Variants in ERAP1 observed in about 807,000 individuals in gnomAD.
ERAP1 encodes endoplasmic reticulum aminopeptidase 1.
A neutral mutation model predicts 103.7 loss-of-function variants in ERAP1; 86 were observed. The ratio of observed to expected loss-of-function variants is 0.83; its 90% CI spans 0.70 to 0.99. The LOEUF (loss-of-function observed/expected upper bound fraction) is 0.99, where lower values mean the gene tolerates loss of function less well. Ranked by LOEUF, ERAP1 falls within the 50% of genes least tolerant of loss-of-function variation. The pLI, the probability that ERAP1 is intolerant of heterozygous loss-of-function variation, is 0.00. For missense variants in ERAP1, 1,009 were observed against 1,128.4 expected, an observed-to-expected ratio of 0.89 and a Z score of 1.52; for synonymous variants, 398 against 402.4, an observed-to-expected ratio of 0.99 and a Z score of 0.13.
chr5:96,897,420 G>A, the ERAP1 span, among the ~76,000 whole-genome samples: 3 of 152,056 alleles, frequency 2.0e-5, no homozygotes, highest in Admixed American at 6.6e-5. Context: ...GCCCTCATTC[G>A]TTTGCCTGTC....
the ERAP1 span, among the ~76,000 whole-genome samples, chr5:96,899,205 T>C: frequency 2.0e-5 from 3 of 147,562 alleles, no homozygotes; most frequent in Admixed American, 6.9e-5. Flanking sequence ...ACCAAGTCAG[T>C]GAGAAAATCA....
chr5:96,906,785 A>T, the ERAP1 span, among the ~76,000 whole-genome samples: 2 of 152,370 alleles, frequency 1.3e-5, no homozygotes, highest in African/African-American at 4.8e-5. Flanking sequence ...TAATCCCAGT[A>T]CTTCGTGAGG....
At chr5:96,784,609 G>C (rs199993116) in intron 13 of ERAP1, among the ~76,000 whole-genome samples, 19 of 14,042 alleles carry the variant, frequency 1.4e-3, no homozygotes, top group African/African-American at 5.0e-3. Context: ...TAGGGCTAAC[G>C]TGGATAAGCC....
intron 19 of ERAP1, chr5:96,767,864 C>A: frequency 7.8e-7 from 1 of 1,285,892 alleles, no homozygotes; most frequent in Non-Finnish European, 1.1e-6. Context: ...TTGCATTTTG[C>A]CTTCTGCTTC....
chr5:96,920,784 C>T, the ERAP1 span, among the ~76,000 whole-genome samples: 1 of 152,164 alleles, frequency 6.6e-6, no homozygotes, highest in African/African-American at 2.4e-5. Flanking sequence ...TTCCTGGTAT[C>T]TTAATCTCAT....
the ERAP1 span, among the ~76,000 whole-genome samples, chr5:96,905,918 G>A: frequency 6.7e-6 from 1 of 150,356 alleles, no homozygotes; most frequent in African/African-American, 2.4e-5. Flanking sequence ...CATTTAGTTT[G>A]GAGAGATAAT....
the ERAP1 span, chr5:96,880,251 G>C: frequency 6.2e-7 from 1 of 1,607,994 alleles, no homozygotes; most frequent in Non-Finnish European, 8.5e-7. Context: ...ACTCTTGGTG[G>C]TGAAACAAGG....
the ERAP1 span, among the ~76,000 whole-genome samples, chr5:96,842,149 G>A: frequency 6.6e-6 from 1 of 152,004 alleles, no homozygotes; most frequent in Non-Finnish European, 1.5e-5. Flanking sequence ...AGTATTCCAT[G>A]GTATATGTAT....
At chr5:96,785,482 G>A (rs1029861844) in intron 13 of ERAP1, 3 of 391,592 alleles carry the variant, frequency 7.7e-6, no homozygotes, top group Non-Finnish European at 9.7e-6. Context: ...ACCATGCCGC[G>A]GGGACAAGGC....
Position 96,799,953 on chromosome 5 carries a change from G to A in ERAP1, c.663+909C>T, listed in dbSNP as rs561444964. On this transcript the variant is annotated intron_variant, in intron 3 of 18. Coordinates refer to ENST00000443439, the MANE Select transcript of ERAP1 (RefSeq NM_001040458.3). Reference sequence around the variant, plus strand: ...CAGGTAGGTATAGAGTTTTAAGGTTGAGAAGCACCACACTAGAGGTTGGTC... The same window carrying A: ...CAGGTAGGTATAGAGTTTTAAGGTTAAGAAGCACCACACTAGAGGTTGGTC... Among the ~76,000 whole-genome samples, 15 of 152,262 alleles carry A rather than the reference G, an allele frequency of 9.9e-5. No homozygotes were observed. In the South Asian group the frequency reaches 3.1e-3, roughly 32 times the overall value.
chr5:96,791,701 A>AATG (rs1776751390), intron 8 of ERAP1, among the ~76,000 whole-genome samples: 1 of 152,238 alleles, frequency 6.6e-6, no homozygotes, highest in African/African-American at 2.4e-5. Flanking sequence ...GCGTCTCAAC[A>AATG]ATATTAACCA....
At chr5:96,889,125 G>T in the ERAP1 span, 1 of 1,602,996 alleles carries the variant, frequency 6.2e-7, no homozygotes. Flanking sequence ...AGGGTTATCA[G>T]GAATGGAATT....
chr5:96,799,933 A>G (rs1777790128), intron 3 of ERAP1, among the ~76,000 whole-genome samples: 1 of 152,168 alleles, frequency 6.6e-6, no homozygotes, highest in Non-Finnish European at 1.5e-5. Context: ...GAAGGCAGGT[A>G]GGTATAGAGT....
intron 4 of ERAP1, 58 bp from the exon 5 acceptor site, chr5:96,795,220 T>C: frequency 1.9e-6 from 3 of 1,603,090 alleles, no homozygotes; most frequent in Non-Finnish European, 2.6e-6. Context: ...TCTCCCCACA[T>C]TGTGTAGAAG....
downstream of ERAP1, chr5:96,772,387 T>G (rs1772744820): frequency 6.6e-6 from 1 of 152,598 alleles, no homozygotes; most frequent in Non-Finnish European, 1.5e-5. Flanking sequence ...AAAGTATAGG[T>G]TAAATCGGGT....
the ERAP1 span, among the ~76,000 whole-genome samples, chr5:96,875,731 G>T: frequency 6.6e-6 from 1 of 152,250 alleles, no homozygotes; most frequent in South Asian, 2.1e-4. Context: ...TCAGGTTAGG[G>T]TTAGACATCC....
At chr5:96,895,382 C>A in the ERAP1 span, 1 of 1,409,654 alleles carries the variant, frequency 7.1e-7, no homozygotes, top group Non-Finnish European at 1.0e-6. Flanking sequence ...TTCTGTGTAT[C>A]ATACTATATG....
chr5:96,863,545 T>A, the ERAP1 span, among the ~76,000 whole-genome samples: 1 of 152,240 alleles, frequency 6.6e-6, no homozygotes, highest in South Asian at 2.1e-4. Flanking sequence ...CCGTGCCCGA[T>A]TTCTCTGGCT....
At position 96,776,007 on chromosome 5, in the gene ERAP1, C is replaced by G; in HGVS notation, c.*389G>C. The G allele has an allele frequency of 9.2e-7, 1 of 1,091,736 alleles. No homozygotes were observed. Among genetic ancestry groups the G allele is most frequent in the African/African-American group, 1.7e-5 (1 of 60,254 alleles). The allele number at this position is 1,091,736 out of a possible 1,614,324, so 67.6% of individuals were successfully genotyped here. A position where few individuals can be genotyped will look rare whatever the true frequency, so the allele number is the denominator to read the frequency against. On this transcript the variant is annotated 3_prime_UTR_variant, in exon 19 of 19. Coordinates refer to ENST00000443439, the MANE Select transcript of ERAP1 (RefSeq NM_001040458.3). ...CGGCTTAGTCTCAGATCCAGGTGTT[C>G]ATTGTTCAGTAGTCGACTATTCAGA...
Sources: gnomAD v4.1 joint callset for allele counts (sites outside exome capture counted in the v4.1 genomes callset) on GRCh38, gnomAD v4.1.1 for gene constraint, MANE v1.5 for transcripts, NCBI Gene and HGNC (gene_info 2026-07-23, HGNC 2026-07-21) for gene names.